The following CNTN4 variants were observed in gnomAD, a reference collection of about 807,000 sequenced individuals.
CNTN4 encodes contactin-4.
In CNTN4, 77 loss-of-function variants were observed where a neutral mutation model predicts 122.5. The observed-to-expected ratio is 0.63, with a 90% CI of 0.52 to 0.76. CNTN4 has a LOEUF of 0.76. CNTN4 is among the 30% of genes least tolerant of loss of function. The pLI is 0.00. For synonymous variants in CNTN4, 512 were observed against 447.0 expected, an observed-to-expected ratio of 1.15 and a Z score of -1.83; for missense variants, 1,256 against 1,259.1, an observed-to-expected ratio of 1.00 and a Z score of 0.04.
intron 6 of CNTN4, among the ~76,000 whole-genome samples, chr3:2,791,795 TCCTGATGGCTGC>T (rs2092020939): frequency 6.6e-6 from 1 of 152,198 alleles, no homozygotes; most frequent in Admixed American, 6.5e-5. Flanking sequence ...GTCTTCCACC[TCCTGATGGCTGC>T]CCTAGCATTC....
intron 6 of CNTN4, among the ~76,000 whole-genome samples, chr3:2,773,530 C>T (rs539848817): frequency 8.5e-5 from 13 of 152,176 alleles, no homozygotes; most frequent in Non-Finnish European, 1.6e-4. Context: ...AGGAAGACCT[C>T]AGAAAAGTAA....
intron 3 of CNTN4, among the ~76,000 whole-genome samples, chr3:2,545,315 G>C (rs1403635710): frequency 6.6e-6 from 1 of 152,082 alleles, no homozygotes; most frequent in Non-Finnish European, 1.5e-5. Flanking sequence ...GTGTCATGTG[G>C]AGATGGGAAT....
In CNTN4 at chr3:2,326,725, C is replaced by G. The variant is rs373480117; in HGVS notation, c.-144-12453C>G. On this transcript the variant is annotated intron_variant, in intron 2 of 24. Transcript: ENST00000418658. ...TTACTTGAAGCAAGAATAGGAATGG[C>G]TGTAACTGTTTTTGAATTAGTACTG... Among the ~76,000 whole-genome samples, 157 of 152,246 alleles carry G rather than the reference C, an allele frequency of 1.0e-3. 1 individual carries two copies. The highest frequency in any genetic ancestry group is 3.6e-3 in the African/African-American group (150 of 41,546).
At chr3:2,431,683 G>A (rs941587741) in intron 3 of CNTN4, among the ~76,000 whole-genome samples, 3 of 152,168 alleles carry the variant, frequency 2.0e-5, no homozygotes, top group South Asian at 2.1e-4. Context: ...AAACATGCTG[G>A]CCCTGACCTC....
chr3:2,561,294 G>A (rs1232128715), intron 3 of CNTN4, among the ~76,000 whole-genome samples: 14 of 152,156 alleles, frequency 9.2e-5, no homozygotes, highest in Admixed American at 3.9e-4. Flanking sequence ...GCACACCAGC[G>A]AGCAGAAGGA....
intron 4 of CNTN4, among the ~76,000 whole-genome samples, chr3:2,638,272 C>G (rs2082752553): frequency 6.6e-6 from 1 of 152,144 alleles, no homozygotes; most frequent in Non-Finnish European, 1.5e-5. Context: ...AATAGCCTTT[C>G]TCTGTTTCCA....
At chr3:2,373,904 A>G (rs1012967462) in intron 3 of CNTN4, among the ~76,000 whole-genome samples, 2 of 152,178 alleles carry the variant, frequency 1.3e-5, no homozygotes, top group African/African-American at 4.8e-5. Flanking sequence ...ATGGCATTTC[A>G]CTTACAGTTT....
chr3:2,320,452 C>T (rs1180313764), intron 2 of CNTN4, among the ~76,000 whole-genome samples: 1 of 152,088 alleles, frequency 6.6e-6, no homozygotes, highest in Non-Finnish European at 1.5e-5. Flanking sequence ...ATTTACCTTT[C>T]CCTTTTAACC....
chr3:2,291,287 C>G (rs948686584), intron 2 of CNTN4, among the ~76,000 whole-genome samples: 1 of 152,124 alleles, frequency 6.6e-6, no homozygotes, highest in Non-Finnish European at 1.5e-5. Context: ...TCAATACATT[C>G]TTGTTCAAAT....
intron 3 of CNTN4, among the ~76,000 whole-genome samples, chr3:2,429,153 G>A (rs1191201362): frequency 6.6e-6 from 1 of 152,180 alleles, no homozygotes; most frequent in Non-Finnish European, 1.5e-5. Context: ...AGGCAAAGAG[G>A]CCCTCTGATT....
intron 3 of CNTN4, among the ~76,000 whole-genome samples, chr3:2,551,031 T>C (rs1444253734): frequency 6.6e-6 from 1 of 151,862 alleles, no homozygotes; most frequent in African/African-American, 2.4e-5. Flanking sequence ...CAGCAAACCA[T>C]CATGGCACGT....
intron 4 of CNTN4, among the ~76,000 whole-genome samples, chr3:2,666,466 C>G (rs986116368): frequency 2.5e-4 from 38 of 152,118 alleles, no homozygotes; most frequent in African/African-American, 9.2e-4. Context: ...CAATAAGTGG[C>G]TCTTTTATGA....
chr3:2,909,657 T>A (rs916308641), intron 12 of CNTN4, among the ~76,000 whole-genome samples: 1 of 152,182 alleles, frequency 6.6e-6, no homozygotes, highest in Non-Finnish European at 1.5e-5. Flanking sequence ...AACAACAGAA[T>A]TTGAGAACTA....
At chr3:3,035,088 G>A (rs374971943) in intron 17 of CNTN4, among the ~76,000 whole-genome samples, 1 of 151,954 alleles carries the variant, frequency 6.6e-6, no homozygotes, top group African/African-American at 2.4e-5. Context: ...TGGATGGATC[G>A]CGTGAGCCCA....
chr3:2,593,777 A>C (rs976307092), intron 4 of CNTN4, among the ~76,000 whole-genome samples: 1 of 152,178 alleles, frequency 6.6e-6, no homozygotes, highest in Non-Finnish European at 1.5e-5. Flanking sequence ...AAAGTATCTG[A>C]TAAAAAACTA....
chr3:2,748,839 T>C (rs1457847483), intron 6 of CNTN4, among the ~76,000 whole-genome samples: 2 of 152,246 alleles, frequency 1.3e-5, no homozygotes, highest in Non-Finnish European at 2.9e-5. Context: ...TTCCCTGCTT[T>C]ATGCCTTCTA....
At chr3:3,041,714 C>T (rs903417761) in intron 20 of CNTN4, among the ~76,000 whole-genome samples, 2 of 152,156 alleles carry the variant, frequency 1.3e-5, no homozygotes, top group Admixed American at 6.5e-5. Flanking sequence ...GTAATCCCAG[C>T]ACTTTGGGAG....
chr3:2,412,428 T>C (rs1347710463), intron 3 of CNTN4, among the ~76,000 whole-genome samples: 2 of 152,062 alleles, frequency 1.3e-5, no homozygotes, highest in South Asian at 4.2e-4. Flanking sequence ...ATTTTTTGTA[T>C]TGTTATTGGA....
chr3:2,119,323 C>T (rs555228741), intron 2 of CNTN4, among the ~76,000 whole-genome samples: 1 of 152,152 alleles, frequency 6.6e-6, no homozygotes, highest in Non-Finnish European at 1.5e-5. Flanking sequence ...ACATCTAGTC[C>T]ATCCTATTGG....
Sources: gnomAD v4.1 joint callset for allele counts (sites outside exome capture counted in the v4.1 genomes callset) on GRCh38, gnomAD v4.1.1 for gene constraint, MANE v1.5 for transcripts, NCBI Gene and HGNC (gene_info 2026-07-23, HGNC 2026-07-21) for gene names.